The following PRKAR2A variants were observed in gnomAD, a reference collection of about 807,000 sequenced individuals.
The protein encoded by PRKAR2A is cAMP-dependent protein kinase type II-alpha regulatory subunit.
A neutral mutation model predicts 51.9 loss-of-function variants in PRKAR2A; 29 were observed. The ratio of observed to expected loss-of-function variants is 0.56; its 90% CI spans 0.42 to 0.76. PRKAR2A has a LOEUF of 0.76. Among genes scored for constraint, PRKAR2A ranks in the 30% least tolerant of loss-of-function variants. PRKAR2A has a pLI of 0.00. For synonymous variants in PRKAR2A, 178 were observed against 186.2 expected, an observed-to-expected ratio of 0.96 and a Z score of 0.36; for missense variants, 445 against 512.1, an observed-to-expected ratio of 0.87 and a Z score of 1.26.
intron 4 of PRKAR2A, among the ~76,000 whole-genome samples, chr3:48,789,926 T>A (rs1166827005): frequency 6.6e-6 from 1 of 151,936 alleles, no homozygotes; most frequent in Non-Finnish European, 1.5e-5. Context: ...TCCCTCTCTT[T>A]TCTTTCTTTT....
rs537534586 is a variant in PRKAR2A, at chr3:48,751,481, G to A, written c.*104C>T. On this transcript the variant is annotated 3_prime_UTR_variant, in exon 11 of 11. Coordinates refer to ENST00000265563, the MANE Select transcript of PRKAR2A (RefSeq NM_004157.4). ...TAACCACAGCAATGGCAGCAGTGGC[G>A]GCAACGGCAGGAACAGTTCTGTCAT... 7.0e-5 allele frequency: 106 copies of A among 1,504,124 alleles called. 1 individual carries two copies. The South Asian group carries it at 8.9e-4, about 13-fold the overall frequency. 93.2% of individuals were successfully genotyped at this position (1,504,124 alleles called of 1,614,324 possible).
Position 48,751,214 on chromosome 3 carries a change from G to T in PRKAR2A, c.*371C>A. 2.2e-6 allele frequency: 1 copy of T among 446,972 alleles called. No homozygotes were observed. Among genetic ancestry groups the T allele is most frequent in the Non-Finnish European group, 4.5e-6 (1 of 224,344 alleles). The allele number at this position is 446,972 out of a possible 1,614,324, so 27.7% of individuals were successfully genotyped here. ...TATACAACAGGTTTCTGCAGACCCT[G>T]TGGTAACTTCCAAAAGCAAGAGTAG... is the stretch of plus-strand genomic sequence containing the variant. On this transcript the variant is annotated 3_prime_UTR_variant, in exon 11 of 11. Transcript: ENST00000265563.
intron 8 of PRKAR2A, among the ~76,000 whole-genome samples, chr3:48,762,967 C>T (rs1421000383): frequency 6.6e-6 from 1 of 151,802 alleles, no homozygotes; most frequent in Non-Finnish European, 1.5e-5. Context: ...CAATGGTTTC[C>T]AGGAATGTGA....
intron 1 of PRKAR2A, among the ~76,000 whole-genome samples, chr3:48,843,755 A>G (rs1172040606): frequency 6.6e-6 from 1 of 152,132 alleles, no homozygotes; most frequent in Non-Finnish European, 1.5e-5. Context: ...CTATTTAATA[A>G]ATGGTGCTGG....
At chr3:48,808,315 G>A (rs889533738) in intron 1 of PRKAR2A, among the ~76,000 whole-genome samples, 3 of 152,136 alleles carry the variant, frequency 2.0e-5, no homozygotes, top group Admixed American at 6.5e-5. Flanking sequence ...GTGCAGTGGT[G>A]ACATCTCGGC....
intron 1 of PRKAR2A, among the ~76,000 whole-genome samples, chr3:48,821,240 G>A (rs1444590674): frequency 6.6e-6 from 1 of 152,150 alleles, no homozygotes; most frequent in Non-Finnish European, 1.5e-5. Flanking sequence ...CCCAGGGGCA[G>A]AAACTTCAAC....
Position 48,751,193 on chromosome 3 carries a change from C to A in PRKAR2A, c.*392G>T, listed in dbSNP as rs574609018. ...CCATTAGAGAGTGTCTACAGTTATA[C>A]AACAGGTTTCTGCAGACCCTGTGGT... On this transcript the variant is annotated 3_prime_UTR_variant, in exon 11 of 11. Transcript: ENST00000265563. The A allele has an allele frequency of 2.3e-4, 96 of 417,956 alleles. No homozygotes were observed. Among genetic ancestry groups the A allele is most frequent in the Middle Eastern group, 2.1e-3 (6 of 2,864 alleles). The allele number at this position is 417,956 out of a possible 1,614,324, so 25.9% of individuals were successfully genotyped here.
intron 9 of PRKAR2A, 104 bp from the exon 10 acceptor site, chr3:48,752,421 T>C (rs778336790): frequency 8.1e-7 from 1 of 1,241,278 alleles, no homozygotes; most frequent in Non-Finnish European, 1.1e-6. Flanking sequence ...ACACAATTAC[T>C]GAGGAATTCA....
intron 2 of PRKAR2A, among the ~76,000 whole-genome samples, chr3:48,800,529 T>TAC (rs1323128816): frequency 1.3e-4 from 20 of 150,002 alleles, no homozygotes; most frequent in African/African-American, 3.2e-4. Context: ...AAAAAAACTA[T>TAC]ATACACACAC....
rs568780150 is a variant in PRKAR2A at position 48,780,602 on chromosome 3, C to CAAAA, written c.542+2380_542+2383dup. ...TGAGCGACAGAGCAAGACTCCGTCT[C>CAAAA]AAAAAAAAAAAAAAAAAAAAAAATT... On this transcript the variant is annotated intron_variant, in intron 5 of 10. Coordinates refer to ENST00000265563, the MANE Select transcript of PRKAR2A (RefSeq NM_004157.4). Among the ~76,000 whole-genome samples the CAAAA allele has an allele frequency of 2.5e-3, 121 of 49,332 alleles. 3 individuals are homozygous for CAAAA. The highest frequency in any genetic ancestry group is 8.5e-3 in the African/African-American group (115 of 13,454). 32.4% of individuals were successfully genotyped at this position (49,332 alleles called of 152,430 possible). A position where few individuals can be genotyped will look rare whatever the true frequency, so the allele number is the denominator to read the frequency against.
At chr3:48,754,519 T>C (rs1307150851) in intron 9 of PRKAR2A, among the ~76,000 whole-genome samples, 1 of 151,990 alleles carries the variant, frequency 6.6e-6, no homozygotes, top group East Asian at 1.9e-4. Flanking sequence ...ATGCCTGTAA[T>C]CCCAGCACTT....
chr3:48,797,683 A>G (rs1009679322), intron 2 of PRKAR2A, among the ~76,000 whole-genome samples: 1 of 152,176 alleles, frequency 6.6e-6, no homozygotes, highest in Non-Finnish European at 1.5e-5. Flanking sequence ...AAAACACATA[A>G]GAGAAAAATT....
At chr3:48,797,309 C>A (rs2082512344) in intron 2 of PRKAR2A, among the ~76,000 whole-genome samples, 1 of 152,048 alleles carries the variant, frequency 6.6e-6, no homozygotes, top group Non-Finnish European at 1.5e-5. Context: ...ACTGGGGCTA[C>A]AAGTGCAAGC....
chr3:48,804,849 G>T (rs1449392996), intron 2 of PRKAR2A, among the ~76,000 whole-genome samples: 3 of 152,048 alleles, frequency 2.0e-5, no homozygotes, highest in Non-Finnish European at 4.4e-5. Context: ...AACAACCTGG[G>T]GATTGTTAGA....
chr3:48,748,855 G>A lies in PRKAR2A; in HGVS notation c.*2730C>T, dbSNP rs1043428818. 4 of 152,198 alleles carry A rather than the reference G, an allele frequency of 2.6e-5. No homozygotes were observed. The highest frequency in any genetic ancestry group is 9.6e-5 in the African/African-American group (4 of 41,460). 9.4% of individuals were successfully genotyped at this position (152,198 alleles called of 1,614,324 possible). On this transcript the variant is annotated 3_prime_UTR_variant, in exon 11 of 11. Transcript: ENST00000265563. ...TCAGAAAAATATGGGGTCACCACAT[G>A]GGCTTTCCCAGTGCTAGCTGCCTGT... is the stretch of plus-strand genomic sequence containing the variant.
chr3:48,775,554 A>G lies in PRKAR2A; in HGVS notation c.543-2446T>C, dbSNP rs144279512. 3.1e-3 allele frequency among the ~76,000 whole-genome samples: 474 copies of G among 151,680 alleles called. 5 individuals are homozygous for G. Among genetic ancestry groups the G allele is most frequent in the African/African-American group, 0.011 (450 of 41,402 alleles). On this transcript the variant is annotated intron_variant, in intron 5 of 10. Coordinates refer to ENST00000265563, the MANE Select transcript of PRKAR2A (RefSeq NM_004157.4). Reference sequence around the variant, plus strand: ...ACAAGCAGAAATAGGCACTCTCAACATACCACTGAGGGAAACATAAACTTT... The same window carrying G: ...ACAAGCAGAAATAGGCACTCTCAACGTACCACTGAGGGAAACATAAACTTT...
At chr3:48,843,022 T>C (rs1374226233) in intron 1 of PRKAR2A, among the ~76,000 whole-genome samples, 8 of 152,160 alleles carry the variant, frequency 5.3e-5, no homozygotes, top group Non-Finnish European at 1.0e-4. Context: ...TGGTAGAATT[T>C]GGCTGTGAAT....
intron 1 of PRKAR2A, among the ~76,000 whole-genome samples, chr3:48,826,500 T>C (rs540443517): frequency 2.0e-5 from 3 of 152,286 alleles, no homozygotes; most frequent in African/African-American, 4.8e-5. Flanking sequence ...ACCAGGATGA[T>C]CCACCAATTT....
At chr3:48,842,142 T>C (rs575771370) in intron 1 of PRKAR2A, among the ~76,000 whole-genome samples, 7 of 152,320 alleles carry the variant, frequency 4.6e-5, no homozygotes, top group African/African-American at 1.7e-4. Context: ...CCTTGTAAGT[T>C]GGATTCCTAG....
Sources: gnomAD v4.1 joint callset for allele counts (sites outside exome capture counted in the v4.1 genomes callset) on GRCh38, gnomAD v4.1.1 for gene constraint, MANE v1.5 for transcripts, NCBI Gene and HGNC (gene_info 2026-07-23, HGNC 2026-07-21) for gene names.